RALYL: variants seen among roughly 807,000 people sequenced by gnomAD.
RALYL encodes RALY RNA binding protein like, also known as RNA-binding Raly-like protein.
A neutral mutation model predicts 35.1 loss-of-function variants in RALYL; 29 were observed. The ratio of observed to expected loss-of-function variants is 0.83; its 90% confidence interval spans 0.61 to 1.13. The LOEUF is 1.13. Ranked by LOEUF, RALYL falls within the 50% of genes most tolerant of loss-of-function variation. RALYL has a pLI of 0.00. For synonymous variants in RALYL, 120 were observed against 127.6 expected, an observed-to-expected ratio of 0.94 and a Z score of 0.40; for missense variants, 359 against 360.4, an observed-to-expected ratio of 1.00 and a Z score of 0.03.
intron 2 of RALYL, among the ~76,000 whole-genome samples, chr8:84,547,592 G>C (rs1371400226): frequency 1.3e-5 from 2 of 152,054 alleles, no homozygotes; most frequent in African/African-American, 2.4e-5. Flanking sequence ...TGTTGGCCAG[G>C]ATGGTCTCGA....
chr8:84,326,052 C>A (rs1209631548), intron 1 of RALYL, among the ~76,000 whole-genome samples: 3 of 152,154 alleles, frequency 2.0e-5, no homozygotes, highest in Non-Finnish European at 2.9e-5. Context: ...GCGGAGGTTG[C>A]AGTGAGCTGA....
Position 84,631,807 on chromosome 8 carries a change from C to A in RALYL, c.256+102230C>A, listed in dbSNP as rs370044056. On this transcript the variant is annotated intron_variant, in intron 2 of 8. Coordinates refer to ENST00000521268, the MANE Select transcript of RALYL (RefSeq NM_173848.7). ...CATTAGGACTTACATTCTGCGGATT[C>A]ATATGGTCCTGGAAAAATTATACAC... 9.2e-5 allele frequency among the ~76,000 whole-genome samples: 14 copies of A among 151,942 alleles called. No homozygotes were observed. In the East Asian group the frequency reaches 2.5e-3, roughly 27 times the overall value.
intron 2 of RALYL, among the ~76,000 whole-genome samples, chr8:84,563,827 G>A (rs1477353954): frequency 1.3e-5 from 2 of 151,622 alleles, no homozygotes; most frequent in Non-Finnish European, 2.9e-5. Context: ...TTTGAAAAAT[G>A]TAATGCTTAT....
chr8:84,532,268 C>T (rs2059326418), intron 2 of RALYL, among the ~76,000 whole-genome samples: 1 of 151,964 alleles, frequency 6.6e-6, no homozygotes, highest in Non-Finnish European at 1.5e-5. Context: ...GAAACTCAGG[C>T]AAAGACATGA....
chr8:84,753,024 A>G (rs950986112), intron 2 of RALYL, among the ~76,000 whole-genome samples: 2 of 152,166 alleles, frequency 1.3e-5, no homozygotes, highest in African/African-American at 4.8e-5. Context: ...GTGTGCCTGG[A>G]AAACCCATGG....
In RALYL at chr8:84,367,146, T is replaced by C. The variant is rs1854488295; in HGVS notation, c.-23-162153T>C. On this transcript the variant is annotated intron_variant, in intron 1 of 8. Coordinates refer to ENST00000521268, the MANE Select transcript of RALYL (RefSeq NM_173848.7). ...TCTTTTGTTTTCTTTTTTCTTTTTT[T>C]TTTTTTTGAGATGGAATCTCACTCT... Among the ~76,000 whole-genome samples the C allele has an allele frequency of 2.0e-5, 3 of 147,722 alleles. No homozygotes were observed. In the Admixed American group the frequency reaches 2.0e-4, roughly 10 times the overall value.
chr8:84,258,538 C>T lies in RALYL; in HGVS notation c.-24+74114C>T, dbSNP rs576671061. On this transcript the variant is annotated intron_variant, in intron 1 of 8. Coordinates refer to ENST00000521268, the MANE Select transcript of RALYL (RefSeq NM_173848.7). Reference sequence around the variant, plus strand: ...CCTCCTTGCCCAAATAAACAAGTTGCAGTATTTGATTGTATCAAAAAAAGG... The same window carrying T: ...CCTCCTTGCCCAAATAAACAAGTTGTAGTATTTGATTGTATCAAAAAAAGG... Among the ~76,000 whole-genome samples the T allele has an allele frequency of 7.7e-4, 117 of 151,858 alleles. 4 individuals are homozygous for T. The South Asian group carries it at 0.023, about 29-fold the overall frequency.
At chr8:84,498,750 A>G (rs2056350769) in intron 1 of RALYL, among the ~76,000 whole-genome samples, 1 of 152,220 alleles carries the variant, frequency 6.6e-6, no homozygotes, top group Non-Finnish European at 1.5e-5. Flanking sequence ...ACTTTTCAAC[A>G]GATGACTCTT....
intron 1 of RALYL, among the ~76,000 whole-genome samples, chr8:84,222,163 G>A: frequency 6.6e-6 from 1 of 151,708 alleles, no homozygotes; most frequent in South Asian, 2.1e-4. Flanking sequence ...GGTATGCAGA[G>A]GTAAATTACT....
intron 1 of RALYL, among the ~76,000 whole-genome samples, chr8:84,433,467 C>A (rs2047358530): frequency 6.6e-6 from 1 of 152,006 alleles, no homozygotes; most frequent in Non-Finnish European, 1.5e-5. Context: ...GTGTCCCCAC[C>A]CAAATCTCAA....
At chr8:84,507,528 A>G (rs773577575) in intron 1 of RALYL, among the ~76,000 whole-genome samples, 5 of 152,134 alleles carry the variant, frequency 3.3e-5, no homozygotes, top group Non-Finnish European at 5.9e-5. Flanking sequence ...AAAAAGGTCT[A>G]CCTAAGTACG....
Position 84,424,910 on chromosome 8 carries a change from C to G in RALYL, c.-23-104389C>G, listed in dbSNP as rs531576164. ...CTTGAGGAGGCAGTCTGCAGGTTCTCAGATCTCCAGCTGTGTGCTGGGAGA... is the reference window on the plus strand; with the variant it reads ...CTTGAGGAGGCAGTCTGCAGGTTCTGAGATCTCCAGCTGTGTGCTGGGAGA... On this transcript the variant is annotated intron_variant, in intron 1 of 8. Coordinates refer to ENST00000521268, the MANE Select transcript of RALYL (RefSeq NM_173848.7). 1.3e-4 allele frequency among the ~76,000 whole-genome samples: 20 copies of G among 151,782 alleles called. No individual in the cohort carries two copies. The East Asian group carries it at 3.1e-3, about 24-fold the overall frequency.
At chr8:84,911,806 C>T (rs890257684) in intron 8 of RALYL, among the ~76,000 whole-genome samples, 21 of 152,076 alleles carry the variant, frequency 1.4e-4, no homozygotes, top group African/African-American at 4.6e-4. Flanking sequence ...TCACAGAACT[C>T]AGGGAAACAC....
At chr8:84,753,001 G>A (rs560416702) in intron 2 of RALYL, among the ~76,000 whole-genome samples, 15 of 152,250 alleles carry the variant, frequency 9.9e-5, no homozygotes, top group African/African-American at 3.1e-4. Context: ...TAGATCCACT[G>A]GCAGCTTGCA....
chr8:84,771,640 G>A (rs1199424723), intron 2 of RALYL, among the ~76,000 whole-genome samples: 1 of 151,934 alleles, frequency 6.6e-6, no homozygotes, highest in Non-Finnish European at 1.5e-5. Flanking sequence ...CTACTAATGA[G>A]GTTGAGCATT....
chr8:84,803,122 C>T (rs1327367331), intron 3 of RALYL, among the ~76,000 whole-genome samples: 3 of 152,140 alleles, frequency 2.0e-5, no homozygotes, highest in African/African-American at 4.8e-5. Flanking sequence ...GCACTTCAAA[C>T]AAGCAAATCA....
intron 2 of RALYL, among the ~76,000 whole-genome samples, chr8:84,675,857 A>C (rs535217587): frequency 6.6e-6 from 1 of 152,306 alleles, no homozygotes; most frequent in African/African-American, 2.4e-5. Flanking sequence ...GCATGTAACA[A>C]AATTGCACGT....
intron 1 of RALYL, among the ~76,000 whole-genome samples, chr8:84,239,317 T>C (rs1353608031): frequency 1.3e-5 from 2 of 152,202 alleles, no homozygotes; most frequent in African/African-American, 2.4e-5. Flanking sequence ...CCCTCATGCA[T>C]TGAATAAATT....
intron 2 of RALYL, among the ~76,000 whole-genome samples, chr8:84,690,845 G>C (rs1224815132): frequency 6.6e-6 from 1 of 152,004 alleles, no homozygotes; most frequent in Non-Finnish European, 1.5e-5. Context: ...GCTGGATTAT[G>C]AGGACCCAGA....
Sources: allele counts gnomAD v4.1 joint callset (sites outside exome capture counted in the v4.1 genomes callset), GRCh38; gene constraint gnomAD v4.1.1; transcripts MANE v1.5; gene names NCBI Gene and HGNC (gene_info 2026-07-23, HGNC 2026-07-21).